The following CCDC152 variants were observed in gnomAD, a reference collection of about 807,000 sequenced individuals.
The protein encoded by CCDC152 is coiled-coil domain-containing protein 152.
A neutral mutation model predicts 38.1 loss-of-function variants in CCDC152; 37 were observed. The observed-to-expected ratio is 0.97, with a 90% CI of 0.75 to 1.28. The LOEUF is 1.28. Ranked by LOEUF, CCDC152 falls within the 50% of genes most tolerant of loss-of-function variation. The pLI is 0.00. For missense variants in CCDC152, 259 were observed against 292.1 expected, an observed-to-expected ratio of 0.89 and a Z score of 0.83; for synonymous variants, 83 against 87.1, an observed-to-expected ratio of 0.95 and a Z score of 0.26.
At chr5:42,791,347 T>A (rs1020390811) in intron 6 of CCDC152, among the ~76,000 whole-genome samples, 12 of 152,344 alleles carry the variant, frequency 7.9e-5, no homozygotes, top group African/African-American at 2.9e-4. Flanking sequence ...ATCATCTGGC[T>A]TTTATTACTT....
In CCDC152 at chr5:42,799,651, T is replaced by G. The variant is rs1343877910; in HGVS notation, c.643-8T>G. On this transcript the variant is annotated splice_region_variant and splice_polypyrimidine_tract_variant and intron_variant, in intron 8 of 8. Coordinates refer to ENST00000361970, the MANE Select transcript of CCDC152 (RefSeq NM_001134848.2). ...GAATTCTAATAACAAATTTTTTGTT[T>G]CGTTTAGAAACTTCAGCATTTTCAA... 1 of 1,532,038 alleles carries G rather than the reference T, an allele frequency of 6.5e-7. No homozygotes were observed. Among genetic ancestry groups the G allele is most frequent in the East Asian group, 2.5e-5 (1 of 40,798 alleles). The allele number at this position is 1,532,038 out of a possible 1,614,324, so 94.9% of individuals were successfully genotyped here.
intron 4 of CCDC152, among the ~76,000 whole-genome samples, chr5:42,778,566 C>T (rs77543440): frequency 0.027 from 4,161 of 152,224 alleles, 66 homozygotes; most frequent in Middle Eastern, 0.061. Flanking sequence ...TTTTCAGTTA[C>T]CCAAACCAAA....
intron 6 of CCDC152, among the ~76,000 whole-genome samples, chr5:42,787,812 G>A (rs571203472): frequency 7.2e-5 from 11 of 152,060 alleles, no homozygotes; most frequent in South Asian, 2.1e-4. Flanking sequence ...TAGATCTTTC[G>A]TCACCCCTTT....
chr5:42,759,186 A>G lies in CCDC152; in HGVS notation c.65A>G (p.Asn22Ser), dbSNP rs1427430774. 1.3e-6 allele frequency: 2 copies of G among 1,548,726 alleles called. No homozygotes were observed. Among genetic ancestry groups the G allele is most frequent in the African/African-American group, 2.7e-5 (2 of 72,966 alleles). The change falls in exon 2 of 9, where the codon AAT (asparagine) becomes AGT (serine). Residue 22 changes from asparagine to serine, a missense_variant. Coordinates refer to ENST00000361970, the MANE Select transcript of CCDC152 (RefSeq NM_001134848.2). ...AGTGTGAATCTTGACAAACTTATAA[A>G]TGACTTCTCACAGATAGAAAAGGTA... ...ISSVNLDKLINDFSQIEKKMV... is the reference protein window; with the variant it reads ...ISSVNLDKLISDFSQIEKKMV...
intron 3 of CCDC152, among the ~76,000 whole-genome samples, chr5:42,769,190 G>A (rs2972772): frequency 2.6e-5 from 4 of 151,746 alleles, no homozygotes; most frequent in East Asian, 1.9e-4. Context: ...CGGAGGTTGC[G>A]TGAGCCGACA....
At chr5:42,794,789 T>C (rs10941588) in intron 6 of CCDC152, among the ~76,000 whole-genome samples, 35,651 of 152,074 alleles carry the variant, frequency 0.23, 4,480 homozygotes, top group African/African-American at 0.27. Flanking sequence ...AGTTAAAATG[T>C]TTTTAAGGTT....
chr5:42,763,801 A>G lies in CCDC152; in HGVS notation c.193+1253A>G, dbSNP rs1358063093. Among the ~76,000 whole-genome samples, 3 of 152,334 alleles carry G rather than the reference A, an allele frequency of 2.0e-5. No individual in the cohort carries two copies. The East Asian group carries it at 5.8e-4, about 29-fold the overall frequency. ...AAGGTTTGAAGATATAGCCCTAAAAAGTAAAGTTTATTAAAAGTTAAAAAG... is the reference window on the plus strand; with the variant it reads ...AAGGTTTGAAGATATAGCCCTAAAAGGTAAAGTTTATTAAAAGTTAAAAAG... On this transcript the variant is annotated intron_variant, in intron 3 of 8. Transcript: ENST00000361970.
intron 4 of CCDC152, among the ~76,000 whole-genome samples, chr5:42,772,649 CA>C (rs71608661): frequency 0.26 from 32,963 of 128,184 alleles, 3,715 homozygotes; most frequent in Admixed American, 0.36. Context: ...GACTCCGTCT[CA>C]AAAAAAAAAA....
At chr5:42,759,023 T>A (rs1759515332) in intron 1 of CCDC152, 97 bp from the exon 2 acceptor site, 1 of 846,826 alleles carries the variant, frequency 1.2e-6, no homozygotes, top group African/African-American at 1.7e-5. Context: ...CCCTATGAGT[T>A]GAATATAGAA....
At chr5:42,792,145 G>A (rs1760012030) in intron 6 of CCDC152, among the ~76,000 whole-genome samples, 1 of 152,142 alleles carries the variant, frequency 6.6e-6, no homozygotes, top group East Asian at 1.9e-4. Context: ...CCATCCACAT[G>A]TTTCCATTCT....
chr5:42,798,730 G>T (rs1441573576), intron 7 of CCDC152, among the ~76,000 whole-genome samples: 2 of 152,102 alleles, frequency 1.3e-5, no homozygotes, highest in African/African-American at 4.8e-5. Flanking sequence ...CCTCAGAGAG[G>T]CTATGTTAAC....
At chr5:42,770,214 A>G (rs927129857) in intron 4 of CCDC152, among the ~76,000 whole-genome samples, 7 of 152,182 alleles carry the variant, frequency 4.6e-5, no homozygotes, top group African/African-American at 1.7e-4. Context: ...ATTTTCTTCT[A>G]CTATATCAGA....
intron 7 of CCDC152, among the ~76,000 whole-genome samples, chr5:42,799,056 C>A (rs1216260390): frequency 6.6e-6 from 1 of 151,974 alleles, no homozygotes; most frequent in Non-Finnish European, 1.5e-5. Context: ...TATAGAATCA[C>A]GTGATGTTTT....
At chr5:42,760,727 A>C (rs1439674208) in intron 2 of CCDC152, among the ~76,000 whole-genome samples, 1 of 152,232 alleles carries the variant, frequency 6.6e-6, no homozygotes, top group Non-Finnish European at 1.5e-5. Context: ...TCATAATGAA[A>C]GAATTTTTAT....
At chr5:42,781,929 G>A (rs1759852193) in intron 5 of CCDC152, among the ~76,000 whole-genome samples, 1 of 151,916 alleles carries the variant, frequency 6.6e-6, no homozygotes, top group African/African-American at 2.4e-5. Flanking sequence ...ATTTCTTCAT[G>A]TAGGACCATA....
chr5:42,756,919 C>G (rs568355233), intron 1 of CCDC152, 34 bp downstream of exon 1: 1 of 152,880 alleles, frequency 6.5e-6, no homozygotes, highest in East Asian at 1.9e-4. Context: ...GTTCGAAATT[C>G]CCGCTTTCTC....
At chr5:42,766,053 A>G (rs1759619974) in intron 3 of CCDC152, among the ~76,000 whole-genome samples, 2 of 152,198 alleles carry the variant, frequency 1.3e-5, no homozygotes, top group Non-Finnish European at 2.9e-5. Context: ...AAGGAGCTCA[A>G]ACACCCCTAT....
chr5:42,793,337 A>G (rs1760030528), intron 6 of CCDC152, among the ~76,000 whole-genome samples: 2 of 152,212 alleles, frequency 1.3e-5, no homozygotes, highest in South Asian at 4.2e-4. Flanking sequence ...TGATAGAAAA[A>G]TTTTACCTGA....
At chr5:42,780,466 C>T (rs1329851773) in intron 5 of CCDC152, among the ~76,000 whole-genome samples, 2 of 151,854 alleles carry the variant, frequency 1.3e-5, no homozygotes, top group African/African-American at 4.8e-5. Flanking sequence ...TATATTGACT[C>T]TAGATCTCAA....
Sources: gnomAD v4.1 joint callset for allele counts (sites outside exome capture counted in the v4.1 genomes callset) on GRCh38, gnomAD v4.1.1 for gene constraint, MANE v1.5 for transcripts, NCBI Gene and HGNC (gene_info 2026-07-23, HGNC 2026-07-21) for gene names.